Variants in CCT3 observed in about 807,000 individuals in gnomAD.
CCT3 encodes the protein T-complex protein 1 subunit gamma.
In CCT3, 10 loss-of-function variants were observed where a neutral mutation model predicts 65.3. The observed-to-expected ratio is 0.15, with a 90% CI of 0.09 to 0.26. The LOEUF is 0.26. CCT3 is among the 10% of genes least tolerant of loss of function. CCT3 has a pLI of 1.00. For missense variants in CCT3, 626 were observed against 708.7 expected, an observed-to-expected ratio of 0.88 and a Z score of 1.33; for synonymous variants, 225 against 242.3, an observed-to-expected ratio of 0.93 and a Z score of 0.66.
intron 4 of CCT3, among the ~76,000 whole-genome samples, chr1:156,334,258 GA>G (rs1375862571): frequency 6.9e-6 from 1 of 144,154 alleles, no homozygotes; most frequent in African/African-American, 2.6e-5. Context: ...AAAAAAAAAA[GA>G]TATGTTGAAG....
intron 6 of CCT3, among the ~76,000 whole-genome samples, chr1:156,323,456 CATTTTT>C (rs969597976): frequency 4.6e-5 from 7 of 151,720 alleles, no homozygotes; most frequent in African/African-American, 1.7e-4. Flanking sequence ...AAAAAATATA[CATTTTT>C]ATTTTTATTT....
chr1:156,314,687 G>A (rs754214278), intron 10 of CCT3, among the ~76,000 whole-genome samples: 4 of 152,008 alleles, frequency 2.6e-5, no homozygotes, highest in Non-Finnish European at 5.9e-5. Flanking sequence ...GCACTCCAGC[G>A]TGGGCGACAA....
rs186622110 is a variant in CCT3, at chr1:156,309,088, C to A, written c.*111G>T. 533 of 750,010 alleles carry A rather than the reference C, an allele frequency of 7.1e-4. 3 individuals carry two copies. The African/African-American group carries it at 7.8e-3, about 11-fold the overall frequency. The allele number at this position is 750,010 out of a possible 1,614,324, so 46.5% of individuals were successfully genotyped here. ...GGACAGAAAGGGACTGGGGGCTGCC[C>A]CCCAACCTGATCCCTTCTGAACAAA... On this transcript the variant is annotated 3_prime_UTR_variant, in exon 14 of 14. Transcript: ENST00000295688.
chr1:156,311,975 C>A, intron 11 of CCT3, 66 bp downstream of exon 11: 2 of 1,350,116 alleles, frequency 1.5e-6, no homozygotes, highest in South Asian at 1.6e-5. Flanking sequence ...ATTTTAGGCC[C>A]TTTGGGAAAC....
chr1:156,315,881 AAAGAT>A (rs1187545484), intron 10 of CCT3, among the ~76,000 whole-genome samples: 7 of 152,228 alleles, frequency 4.6e-5, no homozygotes, highest in Admixed American at 2.0e-4. Flanking sequence ...TGCAAAAAAG[AAAGAT>A]AAAAGAAAAA....
In CCT3 at chr1:156,334,702, A is replaced by T; in HGVS notation, c.207+11T>A. On this transcript the variant is annotated intron_variant, in intron 4 of 13. Transcript: ENST00000295688. ...AGAAAGCAAAAAAACAAAACCAAAA[A>T]CAAAACACACCTCTCGAAGAATGGC... 1 of 1,613,242 alleles carries T rather than the reference A, an allele frequency of 6.2e-7. No individual in the cohort carries two copies. The highest frequency in any genetic ancestry group is 8.5e-7 in the Non-Finnish European group (1 of 1,179,478).
intron 13 of CCT3, among the ~76,000 whole-genome samples, chr1:156,309,786 C>T (rs1384230746): frequency 6.6e-6 from 1 of 151,710 alleles, no homozygotes; most frequent in Non-Finnish European, 1.5e-5. Context: ...CACCTGTAAT[C>T]CTAGCACTTT....
chr1:156,323,288 C>T (rs1439014499), intron 6 of CCT3, among the ~76,000 whole-genome samples: 2 of 136,138 alleles, frequency 1.5e-5, no homozygotes, highest in East Asian at 2.2e-4. Flanking sequence ...CCAGACTGGG[C>T]AACAAGTACA....
intron 1 of CCT3, chr1:156,337,305 G>A (rs1354586204): frequency 6.9e-6 from 2 of 291,126 alleles, no homozygotes; most frequent in South Asian, 2.5e-5. Flanking sequence ...CTACTCGGGA[G>A]GCTAAGGCAG....
At chr1:156,332,932 C>G (rs1558274008) in intron 5 of CCT3, 1 of 154,544 alleles carries the variant, frequency 6.5e-6, no homozygotes, top group Non-Finnish European at 1.4e-5. Flanking sequence ...GAAAGTGTGA[C>G]CAGAGGCTTA....
chr1:156,310,769 C>G (rs971091777), intron 12 of CCT3, 80 bp from the exon 13 acceptor site: 2 of 1,531,564 alleles, frequency 1.3e-6, no homozygotes, highest in South Asian at 2.3e-5. Context: ...AAACAATGGA[C>G]CAGTATGGAA....
chr1:156,309,660 A>C (rs560614585), intron 13 of CCT3, among the ~76,000 whole-genome samples: 1 of 151,928 alleles, frequency 6.6e-6, no homozygotes, highest in Admixed American at 6.5e-5. Context: ...TCCTGACCTC[A>C]CGTGATCCAC....
intron 7 of CCT3, among the ~76,000 whole-genome samples, chr1:156,319,702 T>C (rs1022635148): frequency 3.0e-4 from 46 of 152,202 alleles, no homozygotes; most frequent in African/African-American, 9.9e-4. Context: ...TGAGACCCAA[T>C]TGCTATTTAA....
intron 10 of CCT3, among the ~76,000 whole-genome samples, chr1:156,312,656 T>TAA (rs71636865): frequency 0.24 from 36,088 of 149,572 alleles, 4,786 homozygotes; most frequent in Non-Finnish European, 0.29. Flanking sequence ...GGACCCTATC[T>TAA]AAAAAAAAAC....
chr1:156,311,901 G>T, intron 11 of CCT3, 140 bp downstream of exon 11: 2 of 490,494 alleles, frequency 4.1e-6, no homozygotes, highest in Non-Finnish European at 6.6e-6. Flanking sequence ...TTAAAAAAAG[G>T]AAGCAGAAAA....
intron 6 of CCT3, among the ~76,000 whole-genome samples, chr1:156,323,637 T>C (rs1158426593): frequency 6.6e-6 from 1 of 150,968 alleles, no homozygotes; most frequent in African/African-American, 2.4e-5. Context: ...GCTTATTTTT[T>C]TGTATTTTTA....
At chr1:156,332,051 G>A (rs563511332) in intron 5 of CCT3, among the ~76,000 whole-genome samples, 1 of 148,114 alleles carries the variant, frequency 6.8e-6, no homozygotes, top group African/African-American at 2.4e-5. Flanking sequence ...AAAGAGACAT[G>A]GTCTTGCTTT....
chr1:156,319,505 A>G (rs545184945), intron 7 of CCT3, among the ~76,000 whole-genome samples: 2 of 152,088 alleles, frequency 1.3e-5, no homozygotes, highest in African/African-American at 4.8e-5. Flanking sequence ...AAATACACCA[A>G]TTTTAGACCA....
chr1:156,316,932 C>G (rs915665310), intron 10 of CCT3, among the ~76,000 whole-genome samples: 11 of 152,142 alleles, frequency 7.2e-5, no homozygotes, highest in African/African-American at 2.7e-4. Flanking sequence ...GTAGCAATTA[C>G]AAATGTCTAA....
Sources: gnomAD v4.1 joint callset for allele counts (sites outside exome capture counted in the v4.1 genomes callset) on GRCh38, gnomAD v4.1.1 for gene constraint, MANE v1.5 for transcripts, NCBI Gene and HGNC (gene_info 2026-07-23, HGNC 2026-07-21) for gene names.